The following HDAC6 variants were observed in gnomAD, a reference collection of about 807,000 sequenced individuals.
HDAC6 encodes histone deacetylase 6.
A neutral mutation model predicts 88.9 loss-of-function variants in HDAC6; 5 were observed. That is an observed-to-expected ratio of 0.06 (90% CI 0.03 to 0.12). The LOEUF is 0.12. HDAC6 is among the 10% of genes least tolerant of loss of function. The pLI, the probability that HDAC6 is intolerant of heterozygous loss-of-function variation, is 1.00. For missense variants in HDAC6, 706 were observed against 1,014.4 expected, an observed-to-expected ratio of 0.70 and a Z score of 4.13; for synonymous variants, 378 against 398.0, an observed-to-expected ratio of 0.95 and a Z score of 0.60.
intron 20 of HDAC6, 129 bp from the exon 21 acceptor site, chrX:48,817,912 C>T: frequency 1.7e-6 from 1 of 601,475 alleles, no homozygotes; most frequent in Non-Finnish European, 2.7e-6. Context: ...TCAGACTTTT[C>T]TCCTTAACTG....
At chrX:48,822,889 AG>A (rs782048817) in intron 24 of HDAC6, 22 bp from the exon 25 acceptor site, 11 of 1,168,419 alleles carry the variant, frequency 9.4e-6, no homozygotes, top group Non-Finnish European at 1.3e-5. Flanking sequence ...CCCACACTCA[AG>A]GATCTCCCTC....
At chrX:48,821,754 C>T (rs1354082221) in intron 23 of HDAC6, among the ~76,000 whole-genome samples, 14 of 111,043 alleles carry the variant, frequency 1.3e-4, no homozygotes, top group Admixed American at 1.2e-3. Context: ...GTAACCTTCC[C>T]GCCTCGGCCT....
chrX:48,813,264 A>G (rs2147355885), intron 10 of HDAC6: 1 of 112,229 alleles, frequency 8.9e-6, no homozygotes, highest in South Asian at 3.6e-4. Context: ...TGATTAACTT[A>G]CTAAAAGTTT....
At chrX:48,803,357 G>C in intron 4 of HDAC6, 141 bp downstream of exon 4, 1 of 480,899 alleles carries the variant, frequency 2.1e-6, no homozygotes. Flanking sequence ...CACTTGAAAG[G>C]GTTCTTTTAT....
At chrX:48,803,750 C>A in intron 4 of HDAC6, among the ~76,000 whole-genome samples, 1 of 112,550 alleles carries the variant, frequency 8.9e-6, no homozygotes, top group East Asian at 2.8e-4. Flanking sequence ...CCACCATCAT[C>A]ATCACTCACC....
rs1726629938 is a variant in HDAC6 at position 48,824,880 on chromosome X, A to T, written c.*268A>T. On this transcript the variant is annotated 3_prime_UTR_variant, in exon 29 of 29. Coordinates refer to ENST00000334136, the MANE Select transcript of HDAC6 (RefSeq NM_006044.4). Reference sequence around the variant, plus strand: ...AGGGGGGCAGCTCAGTGGCCCCAAGAGGGAGCTGATATCATGAGGATAACA... The same window carrying T: ...AGGGGGGCAGCTCAGTGGCCCCAAGTGGGAGCTGATATCATGAGGATAACA... 1 of 1,115,593 alleles carries T rather than the reference A, an allele frequency of 9.0e-7. No individual in the cohort carries two copies. Among genetic ancestry groups the T allele is most frequent in the African/African-American group, 1.8e-5 (1 of 55,524 alleles). 91.9% of individuals were successfully genotyped at this position (1,115,593 alleles called of 1,213,427 possible). A position where few individuals can be genotyped will look rare whatever the true frequency, so the allele number is the denominator to read the frequency against.
chrX:48,817,298 C>A (rs782642083), intron 19 of HDAC6, 28 bp from the exon 20 acceptor site: 1 of 1,154,945 alleles, frequency 8.7e-7, no homozygotes, highest in Non-Finnish European at 1.2e-6. Flanking sequence ...GGCAGGCTGT[C>A]CGATCTTAGC....
upstream of HDAC6, chrX:48,801,955 C>G: frequency 4.1e-6 from 4 of 967,272 alleles, no homozygotes; most frequent in Non-Finnish European, 5.3e-6. Flanking sequence ...GTGAGTACAG[C>G]GCGTCGACGG....
At chrX:48,816,792 A>G in intron 19 of HDAC6, 159 bp downstream of exon 19, 1 of 470,811 alleles carries the variant, frequency 2.1e-6, no homozygotes, top group Non-Finnish European at 3.5e-6. Context: ...TGGGGGAATA[A>G]TGGAAGGAAC....
At chrX:48,819,909 A>G (rs2063053202) in intron 22 of HDAC6, 197 bp from the exon 23 acceptor site, 2 of 506,895 alleles carry the variant, frequency 3.9e-6, no homozygotes, top group East Asian at 3.7e-5. Context: ...CTGAGTCTGT[A>G]TTTCTTTTCT....
intron 10 of HDAC6, among the ~76,000 whole-genome samples, chrX:48,810,191 T>C (rs1045946678): frequency 3.6e-5 from 4 of 109,914 alleles, no homozygotes; most frequent in African/African-American, 1.3e-4. Flanking sequence ...TCCTCCTGCC[T>C]CAGCCTCCCA....
intron 4 of HDAC6, 175 bp downstream of exon 4, chrX:48,803,391 T>A: frequency 2.3e-6 from 1 of 435,379 alleles, no homozygotes; most frequent in Non-Finnish European, 4.0e-6. Flanking sequence ...ATTTATTGAG[T>A]GCCTATTGTG....
intron 14 of HDAC6, 46 bp from the exon 15 acceptor site, chrX:48,815,338 C>T (rs201209428): frequency 5.6e-6 from 5 of 886,190 alleles, no homozygotes; most frequent in Non-Finnish European, 8.1e-6. Context: ...ATTCCCTGGT[C>T]ATGTCTGGTC....
intron 10 of HDAC6, among the ~76,000 whole-genome samples, chrX:48,809,936 A>G (rs782476356): frequency 3.6e-5 from 4 of 111,724 alleles, no homozygotes; most frequent in Non-Finnish European, 7.5e-5. Flanking sequence ...CAAGATCTGA[A>G]GAATCCAATT....
intron 14 of HDAC6, 35 bp downstream of exon 14, chrX:48,815,086 T>A: frequency 9.2e-7 from 1 of 1,081,801 alleles, no homozygotes; most frequent in Non-Finnish European, 1.3e-6. Context: ...AGCCTGTGGA[T>A]CCTGGAGGGC....
intron 3 of HDAC6, 39 bp downstream of exon 3, chrX:48,803,038 A>G (rs1307874739): frequency 8.3e-7 from 1 of 1,203,782 alleles, no homozygotes; most frequent in East Asian, 3.0e-5. Context: ...TCGTATGACA[A>G]TCAAAACCCA....
rs151130423 is a variant in HDAC6 at position 48,824,562 on chromosome X, A to G, written c.3598A>G (p.Asn1200Asp). The G allele has an allele frequency of 7.5e-3, 9,107 of 1,207,432 alleles. 757 individuals are homozygous for G. In the Admixed American group the frequency reaches 0.19, roughly 25 times the overall value. The part of the protein sequence containing the change: ...VHHQALLDVK[N>D]IAHQNKFGED... ...TCCTCAGGCTCTCCTAGATGTGAAG[A>G]ACATCGCCCACCAGAACAAGTTTGG... The change falls in exon 29 of 29, where the codon AAC becomes GAC. Residue 1200 changes from asparagine to aspartate, a missense_variant. This residue lies in a region of HDAC6 where 36 missense variants were observed against 35.5 expected (regional missense o/e 1.01). Transcript: ENST00000334136.
chrX:48,806,555 G>A, intron 7 of HDAC6, 54 bp from the exon 8 acceptor site: 2 of 1,074,569 alleles, frequency 1.9e-6, no homozygotes, highest in East Asian at 3.0e-5. Context: ...GCAGCTGAGT[G>A]GATAGGGCTG....
At chrX:48,817,497 T>C (rs2063008434) in intron 20 of HDAC6, 38 bp downstream of exon 20, 1 of 1,162,842 alleles carries the variant, frequency 8.6e-7, no homozygotes, top group South Asian at 1.9e-5. Flanking sequence ...TCCTGATCCT[T>C]GTGGGGACCT....
Sources: gnomAD v4.1 joint callset for allele counts (sites outside exome capture counted in the v4.1 genomes callset) on GRCh38, gnomAD v4.1.1 for gene constraint, gnomAD v4.1.1 regional missense constraint, MANE v1.5 for transcripts, NCBI Gene and HGNC (gene_info 2026-07-23, HGNC 2026-07-21) for gene names.